The following DOK6 variants were observed in gnomAD, a reference collection of about 807,000 sequenced individuals.
The protein encoded by DOK6 is docking protein 6.
In DOK6, 22 loss-of-function variants were observed where a neutral mutation model predicts 44.0. The observed-to-expected ratio is 0.50, with a 90% confidence interval of 0.36 to 0.71. DOK6 has a LOEUF of 0.71. DOK6 is among the 30% of genes least tolerant of loss of function. The pLI, the probability that DOK6 is intolerant of heterozygous loss-of-function variation, is 0.00. For missense variants in DOK6, 340 were observed against 416.4 expected, an observed-to-expected ratio of 0.82 and a Z score of 1.60; for synonymous variants, 166 against 145.5, an observed-to-expected ratio of 1.14 and a Z score of -1.01.
At chr18:69,733,940 C>T (rs1978506803) in intron 5 of DOK6, among the ~76,000 whole-genome samples, 1 of 152,018 alleles carries the variant, frequency 6.6e-6, no homozygotes, top group South Asian at 2.1e-4. Flanking sequence ...TCTTATGTTA[C>T]TTTTTAAAAA....
In DOK6 at chr18:69,544,367, A is replaced by G. The variant is rs1009683411; in HGVS notation, c.67-20120A>G. Reference sequence around the variant, plus strand: ...CTTTCATACATTTTTCAAGGGAGAAACTGTACACAAGGAATAAAAGGTAAT... The same window carrying G: ...CTTTCATACATTTTTCAAGGGAGAAGCTGTACACAAGGAATAAAAGGTAAT... On this transcript the variant is annotated intron_variant, in intron 1 of 7. Transcript: ENST00000382713. Among the ~76,000 whole-genome samples, 8 of 151,698 alleles carry G rather than the reference A, an allele frequency of 5.3e-5. 1 individual carries two copies. The highest frequency in any genetic ancestry group is 8.9e-5 in the Non-Finnish European group (6 of 67,792).
intron 3 of DOK6, chr18:69,660,445 TA>T (rs1342659201): frequency 6.6e-6 from 1 of 152,188 alleles, no homozygotes; most frequent in African/African-American, 2.4e-5. Flanking sequence ...TTTATCGTGG[TA>T]TGCGCTAGTG....
intron 1 of DOK6, among the ~76,000 whole-genome samples, chr18:69,460,956 T>TA: frequency 6.6e-6 from 1 of 152,328 alleles, no homozygotes; most frequent in South Asian, 2.1e-4. Flanking sequence ...TGCAAAATAA[T>TA]ATGGTACTAT....
In DOK6 at chr18:69,841,580, C is replaced by A; in HGVS notation, c.*197C>A. The stretch of plus-strand genomic sequence containing the variant: ...GCTAAGTCCTTTATTTATTGAATTT[C>A]TTTGGGGGAATCTATGTTTTACATA... On this transcript the variant is annotated 3_prime_UTR_variant, in exon 8 of 8. Transcript: ENST00000382713. The A allele has an allele frequency of 1.6e-6, 1 of 619,638 alleles. No individual in the cohort carries two copies. Among genetic ancestry groups the A allele is most frequent in the Non-Finnish European group, 2.6e-6 (1 of 389,220 alleles). The allele number at this position is 619,638 out of a possible 1,614,324, so 38.4% of individuals were successfully genotyped here.
chr18:69,476,633 G>A (rs917003829), intron 1 of DOK6, among the ~76,000 whole-genome samples: 8 of 152,216 alleles, frequency 5.3e-5, no homozygotes, highest in Admixed American at 6.5e-5. Context: ...GAGGAGGGAA[G>A]GGATTGGTGA....
intron 4 of DOK6, among the ~76,000 whole-genome samples, chr18:69,691,572 A>G (rs1316811698): frequency 1.3e-5 from 2 of 152,154 alleles, no homozygotes; most frequent in African/African-American, 4.8e-5. Flanking sequence ...TTGGGGAAGT[A>G]GTGGTTTCAG....
At chr18:69,455,927 C>T (rs1414070758) in intron 1 of DOK6, among the ~76,000 whole-genome samples, 2 of 145,520 alleles carry the variant, frequency 1.4e-5, no homozygotes, top group Non-Finnish European at 3.1e-5. Context: ...TTTGAAATGC[C>T]AATTCTCTAA....
chr18:69,450,832 A>C (rs1399011101), intron 1 of DOK6, among the ~76,000 whole-genome samples: 2 of 146,782 alleles, frequency 1.4e-5, no homozygotes, highest in Non-Finnish European at 3.0e-5. Context: ...TGAAGGAGAA[A>C]TAAAATACTT....
rs550525280 is a variant in DOK6 at position 69,659,067 on chromosome 18, A to C, written c.290-18667A>C. Among the ~76,000 whole-genome samples the C allele has an allele frequency of 4.6e-5, 7 of 152,368 alleles. No individual in the cohort carries two copies. In the South Asian group the frequency reaches 1.4e-3, roughly 32 times the overall value. On this transcript the variant is annotated intron_variant, in intron 3 of 7. Coordinates refer to ENST00000382713, the MANE Select transcript of DOK6 (RefSeq NM_152721.6). Reference sequence around the variant, plus strand: ...AAATTTCCTTAACACCCTGAAATCAAATAGTAGAACAATATAAACATTTAA... The same window carrying C: ...AAATTTCCTTAACACCCTGAAATCACATAGTAGAACAATATAAACATTTAA...
At chr18:69,548,898 C>T (rs912185924) in intron 1 of DOK6, among the ~76,000 whole-genome samples, 3 of 151,294 alleles carry the variant, frequency 2.0e-5, no homozygotes, top group East Asian at 3.9e-4. Context: ...TCAAGACCAT[C>T]CTGGCTAACA....
chr18:69,539,297 G>A lies in DOK6; in HGVS notation c.67-25190G>A, dbSNP rs975236952. On this transcript the variant is annotated intron_variant, in intron 1 of 7. Coordinates refer to ENST00000382713, the MANE Select transcript of DOK6 (RefSeq NM_152721.6). Reference sequence around the variant, plus strand: ...TAGGCAAATCACTAGCACATGATTCGTGAATTGCGAAGTTTGTCTCCTTTC... The same window carrying A: ...TAGGCAAATCACTAGCACATGATTCATGAATTGCGAAGTTTGTCTCCTTTC... 7.9e-5 allele frequency among the ~76,000 whole-genome samples: 12 copies of A among 152,100 alleles called. No homozygotes were observed. The East Asian group carries it at 9.6e-4, about 12-fold the overall frequency.
intron 7 of DOK6, among the ~76,000 whole-genome samples, chr18:69,840,617 T>C (rs1317484886): frequency 6.6e-6 from 1 of 152,268 alleles, no homozygotes; most frequent in Non-Finnish European, 1.5e-5. Flanking sequence ...GTATGGAATT[T>C]AACTTTTGGC....
chr18:69,481,754 G>A (rs1980429878), intron 1 of DOK6, among the ~76,000 whole-genome samples: 1 of 152,122 alleles, frequency 6.6e-6, no homozygotes, highest in Non-Finnish European at 1.5e-5. Flanking sequence ...GGGATGGCTG[G>A]GTCAAATGGC....
chr18:69,649,714 T>C (rs1341382455), intron 3 of DOK6, among the ~76,000 whole-genome samples: 1 of 152,120 alleles, frequency 6.6e-6, no homozygotes, highest in Non-Finnish European at 1.5e-5. Flanking sequence ...CAAAGAAACA[T>C]TGCATATTTA....
At chr18:69,771,391 CTA>C (rs2144766059) in intron 7 of DOK6, among the ~76,000 whole-genome samples, 1 of 152,112 alleles carries the variant, frequency 6.6e-6, no homozygotes, top group East Asian at 1.9e-4. Context: ...ACTGCAAACT[CTA>C]GTTTATTTAA....
At chr18:69,825,540 T>C (rs1355683655) in intron 7 of DOK6, among the ~76,000 whole-genome samples, 1 of 150,320 alleles carries the variant, frequency 6.7e-6, no homozygotes, top group East Asian at 2.0e-4. Context: ...GGCATGCTAT[T>C]CTCCTGCCTC....
At chr18:69,823,979 G>T (rs557474811) in intron 7 of DOK6, among the ~76,000 whole-genome samples, 1 of 152,208 alleles carries the variant, frequency 6.6e-6, no homozygotes, top group African/African-American at 2.4e-5. Context: ...CCTGTGTGTG[G>T]TATGTGTTCC....
At chr18:69,427,780 CTTT>C (rs113549020) in intron 1 of DOK6, among the ~76,000 whole-genome samples, 4 of 143,936 alleles carry the variant, frequency 2.8e-5, no homozygotes, top group Admixed American at 6.9e-5. Flanking sequence ...AATACCCTAC[CTTT>C]TTTTTTTTTT....
chr18:69,525,401 G>A (rs1362531830), intron 1 of DOK6, among the ~76,000 whole-genome samples: 1 of 151,700 alleles, frequency 6.6e-6, no homozygotes, highest in Admixed American at 6.6e-5. Flanking sequence ...TTTCTGGGGG[G>A]TTTCTATTTT....
Sources: gnomAD v4.1 joint callset for allele counts (sites outside exome capture counted in the v4.1 genomes callset) on GRCh38, gnomAD v4.1.1 for gene constraint, MANE v1.5 for transcripts, NCBI Gene and HGNC (gene_info 2026-07-23, HGNC 2026-07-21) for gene names.